Variants in DYNC2I1 observed in about 807,000 individuals in gnomAD.
The protein encoded by DYNC2I1 is cytoplasmic dynein 2 intermediate chain 1.
A neutral mutation model predicts 133.4 loss-of-function variants in DYNC2I1; 89 were observed. That is an observed-to-expected ratio of 0.67 (90% CI 0.56 to 0.80). DYNC2I1 has a LOEUF of 0.80. Among genes scored for constraint, DYNC2I1 ranks in the 30% least tolerant of loss-of-function variants. DYNC2I1 has a pLI of 0.00. For synonymous variants in DYNC2I1, 504 were observed against 484.3 expected (o/e 1.04, Z -0.54); for missense variants, 1,291 against 1,314.5 (o/e 0.98, Z 0.28).
At chr7:158,890,723 G>A (rs1478935241) in intron 7 of DYNC2I1, among the ~76,000 whole-genome samples, 1 of 151,906 alleles carries the variant, frequency 6.6e-6, no homozygotes, top group Non-Finnish European at 1.5e-5. Flanking sequence ...ATAGGCACCC[G>A]CCACCATGCC....
intron 14 of DYNC2I1, among the ~76,000 whole-genome samples, chr7:158,917,638 A>C (rs1585160666): frequency 1.8e-5 from 2 of 112,804 alleles, no homozygotes; most frequent in Admixed American, 9.4e-5. Context: ...TCCACACTCC[A>C]CCCTCCGCCT....
At chr7:158,900,274 A>G (rs1185607669) in intron 8 of DYNC2I1, among the ~76,000 whole-genome samples, 13 of 152,210 alleles carry the variant, frequency 8.5e-5, no homozygotes, top group African/African-American at 3.1e-4. Flanking sequence ...GGCAAGTGCC[A>G]CCACGCCCAG....
At chr7:158,917,935 C>T (rs1343844134) in intron 14 of DYNC2I1, among the ~76,000 whole-genome samples, 4 of 152,178 alleles carry the variant, frequency 2.6e-5, no homozygotes, top group Admixed American at 1.3e-4. Context: ...CTCACTCTCC[C>T]GTTCTGTCAG....
In DYNC2I1 at chr7:158,911,554, C is replaced by G. The variant is rs116193143; in HGVS notation, c.1465C>G (p.Arg489Gly). Residue 489 changes from arginine (R) to glycine (G), a missense_variant, in exon 12 of 25, where the codon CGA becomes GGA. Transcript: ENST00000407559. Reference protein sequence around the residue: ...SRTQALKQKMRSTKLLRLIDL... With the variant: ...SRTQALKQKMGSTKLLRLIDL... ...TGTTTCCAATTTATTTCAAAGGATG[C>G]GAAGTACAAAACTGCTTCGGCTCAT... The G allele has an allele frequency of 5.2e-4, 842 of 1,611,900 alleles. 2 individuals carry two copies. In the African/African-American group the frequency reaches 9.6e-3, roughly 18 times the overall value.
chr7:158,844,356 G>A, the DYNC2I1 span, among the ~76,000 whole-genome samples: 2 of 152,222 alleles, frequency 1.3e-5, no homozygotes, highest in Admixed American at 6.5e-5. Context: ...TGGGAAAAAC[G>A]TGGGTCATCG....
chr7:158,941,108 CAAATA>C (rs778228542), intron 23 of DYNC2I1, among the ~76,000 whole-genome samples: 33 of 151,976 alleles, frequency 2.2e-4, no homozygotes, highest in Non-Finnish European at 2.9e-4. Flanking sequence ...AAAGAAGACC[CAAATA>C]AAATAAAATC....
Position 158,869,855 on chromosome 7 carries a change from A to G in DYNC2I1, c.16A>G (p.Arg6Gly). 6.2e-7 allele frequency: 1 copy of G among 1,611,612 alleles called. No homozygotes were observed. Among genetic ancestry groups the G allele is most frequent in the Non-Finnish European group, 8.5e-7 (1 of 1,178,092 alleles). MEPGK[R>G]RTKDDTWKAD... ...TCTAACTTTATACTTTTCTATTTAG[A>G]GAAGAACCAAAGATGATACCTGGAA... Residue 6 changes from arginine to glycine, a missense_variant and splice_region_variant, in exon 2 of 25, where the codon AGA (arginine) becomes GGA (glycine). By Grantham distance (125) the Arg-to-Gly change is moderately radical. Coordinates refer to ENST00000407559, the MANE Select transcript of DYNC2I1 (RefSeq NM_018051.5).
chr7:158,923,358 C>T (rs1321336289), intron 16 of DYNC2I1, among the ~76,000 whole-genome samples: 7 of 152,076 alleles, frequency 4.6e-5, no homozygotes, highest in Admixed American at 2.0e-4. Flanking sequence ...AACAAGCCTA[C>T]GGGGTGGGTT....
the DYNC2I1 span, among the ~76,000 whole-genome samples, chr7:158,839,536 C>G: frequency 6.6e-6 from 1 of 152,094 alleles, no homozygotes; most frequent in African/African-American, 2.4e-5. Flanking sequence ...GATGGGGTCT[C>G]TGGCTGGGCA....
At chr7:158,860,111 A>T (rs1029031167) in intron 1 of DYNC2I1, among the ~76,000 whole-genome samples, 4 of 150,952 alleles carry the variant, frequency 2.6e-5, no homozygotes, top group African/African-American at 2.4e-5. Context: ...GCTGGAGTGC[A>T]GTGGTATGAT....
intron 17 of DYNC2I1, 107 bp downstream of exon 17, chr7:158,923,840 G>C: frequency 6.9e-7 from 1 of 1,451,344 alleles, no homozygotes; most frequent in East Asian, 2.4e-5. Flanking sequence ...TTATCCCAGA[G>C]GACGGGGTCT....
At chr7:158,942,217 CT>C in intron 24 of DYNC2I1, 69 bp downstream of exon 24, 1 of 1,260,618 alleles carries the variant, frequency 7.9e-7, no homozygotes, top group Non-Finnish European at 1.1e-6. Context: ...CACTTACGGT[CT>C]TTCTTCATTA....
rs3057377 is a variant in DYNC2I1, at chr7:158,869,820, T to TTTTAAAC, written c.16-34_16-28dup. 561,199 of 1,534,568 alleles carry TTTTAAAC rather than the reference T, an allele frequency of 0.37. 110,783 individuals carry two copies. Among genetic ancestry groups the TTTTAAAC allele is most frequent in the East Asian group, 0.67 (28,976 of 43,218 alleles). ...TCACTACAACACTGAAAATAAATTA[T>TTTTAAAC]TTTAAACATTCTAACTTTATACTTT... On this transcript the variant is annotated intron_variant, in intron 1 of 24. Coordinates refer to ENST00000407559, the MANE Select transcript of DYNC2I1 (RefSeq NM_018051.5).
At chr7:158,956,780 GA>G, downstream of DYNC2I1, 1 of 152,490 alleles carries the variant, frequency 6.6e-6, no homozygotes, top group Non-Finnish European at 1.5e-5. Flanking sequence ...GGTGCGAGTG[GA>G]AAAGGCAACA....
chr7:158,887,210 C>A, intron 7 of DYNC2I1, 135 bp downstream of exon 7: 1 of 816,350 alleles, frequency 1.2e-6, no homozygotes. Flanking sequence ...AGTGGTGATC[C>A]CAGAAGGCAC....
intron 4 of DYNC2I1, among the ~76,000 whole-genome samples, chr7:158,877,723 C>T (rs573472530): frequency 6.6e-6 from 1 of 151,952 alleles, no homozygotes; most frequent in Non-Finnish European, 1.5e-5. Flanking sequence ...TTTTTAGAGA[C>T]AGGGTCTTGC....
intron 23 of DYNC2I1, among the ~76,000 whole-genome samples, chr7:158,938,585 G>A (rs1202102401): frequency 6.6e-6 from 1 of 152,080 alleles, no homozygotes; most frequent in African/African-American, 2.4e-5. Flanking sequence ...GATGAAATAT[G>A]TCTCTACTAA....
At chr7:158,926,498 C>G (rs1304580686) in intron 19 of DYNC2I1, 35 bp downstream of exon 19, 2 of 1,603,908 alleles carry the variant, frequency 1.2e-6, no homozygotes, top group Non-Finnish European at 1.7e-6. Flanking sequence ...CATGCGGGGC[C>G]TGAGTGAGGT....
At chr7:158,905,321 A>T in intron 10 of DYNC2I1, 1 of 307,854 alleles carries the variant, frequency 3.2e-6, no homozygotes, top group South Asian at 2.8e-5. Context: ...TTGTATTTTT[A>T]GTAGAGACGG....
Sources: allele counts gnomAD v4.1 joint callset (sites outside exome capture counted in the v4.1 genomes callset), GRCh38; gene constraint gnomAD v4.1.1; transcripts MANE v1.5; gene names NCBI Gene and HGNC (gene_info 2026-07-23, HGNC 2026-07-21).